Variants in P2RY14 observed in about 807,000 individuals in gnomAD.
P2RY14 encodes the protein P2Y purinoceptor 14.
Under a neutral mutation model 0.9 loss-of-function variants are expected in P2RY14, and 2 were observed. The ratio of observed to expected loss-of-function variants is 2.16; its 90% CI spans 0.88 to 6.79. P2RY14 has a LOEUF of 6.79. P2RY14 is among the 30% of genes most tolerant of loss of function. P2RY14 has a pLI of 0.05. For missense variants in P2RY14, 378 were observed against 400.1 expected, an observed-to-expected ratio of 0.94 and a Z score of 0.47; for synonymous variants, 158 against 147.2, an observed-to-expected ratio of 1.07 and a Z score of -0.53.
intron 1 of P2RY14, among the ~76,000 whole-genome samples, chr3:151,257,873 T>C (rs554919440): frequency 3.6e-4 from 55 of 152,340 alleles, no homozygotes; most frequent in Non-Finnish European, 7.1e-4. Context: ...AGTTCCTCCT[T>C]CTCTCTCCCT....
At chr3:151,230,872 C>G (rs6777432) in intron 1 of P2RY14, among the ~76,000 whole-genome samples, 10,743 of 152,210 alleles carry the variant, frequency 0.071, 1,259 homozygotes, top group African/African-American at 0.24. Flanking sequence ...TTGGAACTCT[C>G]ACTAGCCACT....
chr3:151,217,024 C>G (rs1728373397), intron 2 of P2RY14, among the ~76,000 whole-genome samples: 1 of 152,098 alleles, frequency 6.6e-6, no homozygotes, highest in Admixed American at 6.6e-5. Flanking sequence ...ATGGTAGGTA[C>G]TGAGTACTTG....
At chr3:151,232,033 G>T (rs181321040) in intron 1 of P2RY14, among the ~76,000 whole-genome samples, 2 of 152,030 alleles carry the variant, frequency 1.3e-5, no homozygotes, top group African/African-American at 4.8e-5. Flanking sequence ...TTGAGGGAAG[G>T]GTCCTGTGCT....
chr3:151,277,443 T>C (rs1475339656), intron 1 of P2RY14, among the ~76,000 whole-genome samples: 1 of 152,222 alleles, frequency 6.6e-6, no homozygotes, highest in African/African-American at 2.4e-5. Flanking sequence ...AAACTGATTA[T>C]CAAGTTTGTA....
At chr3:151,242,604 A>T (rs1444736717) in intron 1 of P2RY14, among the ~76,000 whole-genome samples, 2 of 152,218 alleles carry the variant, frequency 1.3e-5, no homozygotes, top group Non-Finnish European at 2.9e-5. Context: ...ATCCACACCA[A>T]AAACCCATCT....
chr3:151,269,904 G>T, intron 1 of P2RY14: 1 of 457,458 alleles, frequency 2.2e-6, no homozygotes, highest in South Asian at 1.6e-5. Flanking sequence ...TTTACTGACC[G>T]TTCTGATGCA....
At chr3:151,249,688 T>C (rs1220867808) in intron 1 of P2RY14, among the ~76,000 whole-genome samples, 1 of 152,188 alleles carries the variant, frequency 6.6e-6, no homozygotes, top group Non-Finnish European at 1.5e-5. Flanking sequence ...TCTCCAATCA[T>C]TCTTCGTATT....
intron 1 of P2RY14, among the ~76,000 whole-genome samples, chr3:151,274,742 G>C (rs1741563871): frequency 6.6e-6 from 1 of 152,138 alleles, no homozygotes; most frequent in African/African-American, 2.4e-5. Context: ...AAAGATTGTT[G>C]TCATAATTGA....
chr3:151,247,181 C>G (rs992432062), intron 1 of P2RY14, among the ~76,000 whole-genome samples: 1 of 151,962 alleles, frequency 6.6e-6, no homozygotes, highest in Non-Finnish European at 1.5e-5. Flanking sequence ...TAAACTAGTT[C>G]AACCATTGTG....
At chr3:151,275,248 G>A (rs954485476) in intron 1 of P2RY14, among the ~76,000 whole-genome samples, 6 of 152,216 alleles carry the variant, frequency 3.9e-5, no homozygotes, top group African/African-American at 9.6e-5. Flanking sequence ...TGTACAGATC[G>A]CTTTGGGCCA....
intron 1 of P2RY14, among the ~76,000 whole-genome samples, chr3:151,262,675 A>G (rs1739125044): frequency 6.6e-6 from 1 of 152,198 alleles, no homozygotes; most frequent in African/African-American, 2.4e-5. Context: ...AAAATCACCG[A>G]CAGATTTATT....
chr3:151,213,490 A>G lies in P2RY14; in HGVS notation c.827T>C (p.Met276Thr), dbSNP rs1333774857. The change falls in exon 3 of 3, where the codon ATG becomes ACG. Residue 276 changes from methionine (M) to threonine (T), a missense_variant. By Grantham distance (81) the Met-to-Thr change is moderately conservative (BLOSUM62 -1). Transcript: ENST00000309170. ...AGATAGTAGCAGAGTGAATTCTTTC[A>G]TATACCGCAAGATTTCTTTTGACTG... ...SCQSKEILRY[M>T]KEFTLLLSAA... is the part of the protein sequence containing the mutation. 2.5e-6 allele frequency: 4 copies of G among 1,614,070 alleles called. No homozygotes were observed. The South Asian group carries it at 3.3e-5, about 13-fold the overall frequency.
intron 1 of P2RY14, among the ~76,000 whole-genome samples, chr3:151,250,871 T>TA (rs1156318133): frequency 2.0e-5 from 3 of 152,222 alleles, no homozygotes; most frequent in African/African-American, 7.2e-5. Flanking sequence ...TGAACCATCT[T>TA]ACGTTCCCAC....
chr3:151,220,443 A>G (rs1019663578), intron 1 of P2RY14, among the ~76,000 whole-genome samples: 1 of 152,110 alleles, frequency 6.6e-6, no homozygotes, highest in Non-Finnish European at 1.5e-5. Context: ...CTGAGATTCC[A>G]TTATGTCTGG....
At chr3:151,274,803 G>T (rs1741575596) in intron 1 of P2RY14, among the ~76,000 whole-genome samples, 1 of 152,184 alleles carries the variant, frequency 6.6e-6, no homozygotes, top group Non-Finnish European at 1.5e-5. Flanking sequence ...GGATATGTCT[G>T]TTAGAATGTA....
At chr3:151,237,356 T>TTTC (rs1553753104) in intron 1 of P2RY14, among the ~76,000 whole-genome samples, 2 of 130,998 alleles carry the variant, frequency 1.5e-5, no homozygotes, top group African/African-American at 6.4e-5. Flanking sequence ...TTTTCTTTTT[T>TTTC]TTTTTTTTTT....
rs151292810 is a variant in P2RY14, at chr3:151,214,291, G to C, written c.26C>G (p.Pro9Arg). The C allele has an allele frequency of 1.6e-3, 2,554 of 1,613,544 alleles. 3 individuals are homozygous for C. The highest frequency in any genetic ancestry group is 2.0e-3 in the Non-Finnish European group (2,371 of 1,179,784). Reference sequence around the variant, plus strand: ...GTTCTGAGAGCAGGATTCATCTGGAGGCTGTGTGGAGGTTGAATTGATCAT... The same window carrying C: ...GTTCTGAGAGCAGGATTCATCTGGACGCTGTGTGGAGGTTGAATTGATCAT... MINSTSTQ[P>R]PDESCSQNLL... The change falls in exon 3 of 3, where the codon CCT becomes CGT. Residue 9 changes from proline to arginine, a missense_variant. Transcript: ENST00000309170.
rs920750215 is a variant in P2RY14, at chr3:151,269,929, G to A, written c.-133+8358C>T. 10 of 435,688 alleles carry A rather than the reference G, an allele frequency of 2.3e-5. 1 individual carries two copies. The highest frequency in any genetic ancestry group is 1.6e-4 in the African/African-American group (8 of 48,568). The allele number at this position is 435,688 out of a possible 1,614,324, so 27.0% of individuals were successfully genotyped here. Reference sequence around the variant, plus strand: ...GTTCTGATGCAGGTGTTGTTGAGTTGGGAGAGTTCATCAAAGATAATACTT... The same window carrying A: ...GTTCTGATGCAGGTGTTGTTGAGTTAGGAGAGTTCATCAAAGATAATACTT... On this transcript the variant is annotated intron_variant, in intron 1 of 2. Coordinates refer to ENST00000309170, the MANE Select transcript of P2RY14 (RefSeq NM_014879.4).
chr3:151,271,134 G>A (rs1740869120), intron 1 of P2RY14, among the ~76,000 whole-genome samples: 1 of 151,784 alleles, frequency 6.6e-6, no homozygotes, highest in Non-Finnish European at 1.5e-5. Flanking sequence ...TCTGTTAAAG[G>A]CTCAGACTAT....
Sources: gnomAD v4.1 joint callset for allele counts (sites outside exome capture counted in the v4.1 genomes callset) on GRCh38, gnomAD v4.1.1 for gene constraint, MANE v1.5 for transcripts, NCBI Gene and HGNC (gene_info 2026-07-23, HGNC 2026-07-21) for gene names.